RXRG: variants seen among roughly 807,000 people sequenced by gnomAD.
The protein encoded by RXRG is retinoic acid receptor RXR-gamma.
Under a neutral mutation model 49.2 loss-of-function variants are expected in RXRG, and 19 were observed. That is an observed-to-expected ratio of 0.39 (90% CI 0.27 to 0.57). The LOEUF (loss-of-function observed/expected upper bound fraction) is 0.57, where lower values mean the gene tolerates loss of function less well. Among genes scored for constraint, RXRG ranks in the 20% least tolerant of loss-of-function variants. The pLI is 0.64. For synonymous variants in RXRG, 224 were observed against 216.6 expected (o/e 1.03, Z -0.30); for missense variants, 452 against 592.5 (o/e 0.76, Z 2.46).
intron 4 of RXRG, among the ~76,000 whole-genome samples, chr1:165,416,246 C>T (rs527613758): frequency 5.3e-4 from 81 of 152,252 alleles, no homozygotes; most frequent in African/African-American, 1.9e-3. Flanking sequence ...CCACTATCCC[C>T]ATGTCCCTGC....
chr1:165,433,045 G>T (rs1658718651), intron 1 of RXRG, among the ~76,000 whole-genome samples: 1 of 152,160 alleles, frequency 6.6e-6, no homozygotes, highest in African/African-American at 2.4e-5. Flanking sequence ...GAGGACTTCA[G>T]TGAACTACTT....
intron 1 of RXRG, among the ~76,000 whole-genome samples, chr1:165,438,956 T>C (rs960503641): frequency 1.3e-5 from 2 of 152,202 alleles, no homozygotes; most frequent in African/African-American, 4.8e-5. Context: ...AAGGAGCACA[T>C]TGGCATATTA....
rs1659122374 is a variant in RXRG at position 165,445,115 on chromosome 1, G to A, written c.-222C>T. ...TAGTGCGTTTGAGACGGCTGTGGCG[G>A]CAGCAGCTGGTGCCTGTCAGTAATC... is the stretch of plus-strand genomic sequence containing the variant. On this transcript the variant is annotated 5_prime_UTR_variant, in exon 1 of 10. Coordinates refer to ENST00000359842, the MANE Select transcript of RXRG (RefSeq NM_006917.5). 1.8e-6 allele frequency: 1 copy of A among 569,828 alleles called. No homozygotes were observed. Among genetic ancestry groups the A allele is most frequent in the Non-Finnish European group, 3.1e-6 (1 of 319,552 alleles). The allele number at this position is 569,828 out of a possible 1,614,324, so 35.3% of individuals were successfully genotyped here. A position where few individuals can be genotyped will look rare whatever the true frequency, so the allele number is the denominator to read the frequency against.
chr1:165,428,649 T>C lies in RXRG; in HGVS notation c.297+70A>G, dbSNP rs117921572. 14 of 1,519,002 alleles carry C rather than the reference T, an allele frequency of 9.2e-6. No individual in the cohort carries two copies. The East Asian group carries it at 3.2e-4, about 35-fold the overall frequency. 94.1% of individuals were successfully genotyped at this position (1,519,002 alleles called of 1,614,324 possible). A position where few individuals can be genotyped will look rare whatever the true frequency, so the allele number is the denominator to read the frequency against. On this transcript the variant is annotated intron_variant, in intron 2 of 9. Coordinates refer to ENST00000359842, the MANE Select transcript of RXRG (RefSeq NM_006917.5). ...TTATGGACCTGCTGAGTGCTGGTTC[T>C]GCTCCAGGAGCAGCCTGGGTGAAAC...
chr1:165,430,286 C>A (rs180900757), intron 1 of RXRG, among the ~76,000 whole-genome samples: 31 of 152,316 alleles, frequency 2.0e-4, no homozygotes, highest in African/African-American at 7.0e-4. Flanking sequence ...ACAAATATTT[C>A]TTGAGTGCCT....
rs536188999 is a variant in RXRG at position 165,444,982 on chromosome 1, A to G, written c.-89T>C. ...CCCAGGCACAGCCCGGCTTTCTTCA[A>G]CTTGGGCTAACAAGAGTGGTCATCG... On this transcript the variant is annotated 5_prime_UTR_variant, in exon 1 of 10. Coordinates refer to ENST00000359842, the MANE Select transcript of RXRG (RefSeq NM_006917.5). 11 of 1,270,094 alleles carry G rather than the reference A, an allele frequency of 8.7e-6. No individual in the cohort carries two copies. Among genetic ancestry groups the G allele is most frequent in the South Asian group, 6.1e-5 (5 of 82,598 alleles). The allele number at this position is 1,270,094 out of a possible 1,614,324, so 78.7% of individuals were successfully genotyped here.
intron 2 of RXRG, chr1:165,425,118 A>T (rs890273010): frequency 5.8e-6 from 1 of 173,738 alleles, no homozygotes; most frequent in African/African-American, 2.4e-5. Context: ...CTGTACAGAC[A>T]TATGGTCCAG....
intron 1 of RXRG, among the ~76,000 whole-genome samples, chr1:165,435,409 T>C (rs985382325): frequency 2.3e-4 from 35 of 152,030 alleles, no homozygotes; most frequent in African/African-American, 8.2e-4. Flanking sequence ...CACAGGGAGA[T>C]TGAGCAAACT....
At chr1:165,403,909 A>G (rs283700) in intron 9 of RXRG, among the ~76,000 whole-genome samples, 132,115 of 152,284 alleles carry the variant, frequency 0.87, 57,408 homozygotes, top group African/African-American at 0.91. Context: ...AGCATTCCTC[A>G]CCCACAGGTT....
intron 1 of RXRG, among the ~76,000 whole-genome samples, chr1:165,439,397 T>C: frequency 6.6e-6 from 1 of 151,918 alleles, no homozygotes; most frequent in East Asian, 1.9e-4. Context: ...GCTCCCACCC[T>C]GAGCAGCTCA....
chr1:165,445,022 G>C lies in RXRG; in HGVS notation c.-129C>G. 1.3e-6 allele frequency: 1 copy of C among 793,036 alleles called. No individual in the cohort carries two copies. Among genetic ancestry groups the C allele is most frequent in the Non-Finnish European group, 2.2e-6 (1 of 456,940 alleles). The allele number at this position is 793,036 out of a possible 1,614,324, so 49.1% of individuals were successfully genotyped here. A position where few individuals can be genotyped will look rare whatever the true frequency, so the allele number is the denominator to read the frequency against. ...AGTGGTCATCGCTTCCTAGCAGCCC[G>C]GGGAGCACAGGCTGGGCCAGCCCTC... On this transcript the variant is annotated 5_prime_UTR_variant, in exon 1 of 10. Coordinates refer to ENST00000359842, the MANE Select transcript of RXRG (RefSeq NM_006917.5).
At chr1:165,402,605 C>T (rs1004980123) in intron 9 of RXRG, among the ~76,000 whole-genome samples, 1 of 152,068 alleles carries the variant, frequency 6.6e-6, no homozygotes, top group Non-Finnish European at 1.5e-5. Context: ...CACACACGCA[C>T]ACTCACACTC....
intron 7 of RXRG, 45 bp from the exon 8 acceptor site, chr1:165,408,363 A>G (rs776423850): frequency 2.1e-6 from 3 of 1,401,598 alleles, no homozygotes; most frequent in Non-Finnish European, 3.0e-6. Context: ...CGTAAGTAAC[A>G]GGCCAAGAGC....
chr1:165,441,347 C>CT (rs1658998032), intron 1 of RXRG, among the ~76,000 whole-genome samples: 2 of 152,216 alleles, frequency 1.3e-5, no homozygotes, highest in African/African-American at 4.8e-5. Context: ...CGGGAGCTCC[C>CT]TGGGGGTGTG....
chr1:165,439,513 C>T (rs904969178), intron 1 of RXRG, among the ~76,000 whole-genome samples: 2 of 152,224 alleles, frequency 1.3e-5, no homozygotes, highest in Non-Finnish European at 2.9e-5. Context: ...CATGCAGCAG[C>T]GTCAACCCAT....
intron 3 of RXRG, among the ~76,000 whole-genome samples, chr1:165,418,578 C>T (rs533361320): frequency 6.6e-6 from 1 of 152,226 alleles, no homozygotes; most frequent in East Asian, 1.9e-4. Flanking sequence ...CCAGCCTTTG[C>T]CTCATTGGTT....
At chr1:165,421,182 G>A (rs921043427) in intron 2 of RXRG, among the ~76,000 whole-genome samples, 2 of 152,166 alleles carry the variant, frequency 1.3e-5, no homozygotes, top group Non-Finnish European at 2.9e-5. Flanking sequence ...ATTGAGCGCA[G>A]GAGGCAAACA....
intron 3 of RXRG, among the ~76,000 whole-genome samples, chr1:165,418,429 G>A (rs937747290): frequency 6.6e-6 from 1 of 152,184 alleles, no homozygotes; most frequent in Non-Finnish European, 1.5e-5. Context: ...AATGTAATAT[G>A]TGATGTCATT....
At chr1:165,425,825 A>G (rs1658468261) in intron 2 of RXRG, among the ~76,000 whole-genome samples, 2 of 152,248 alleles carry the variant, frequency 1.3e-5, no homozygotes, top group South Asian at 2.1e-4. Context: ...ACTGAAGTGC[A>G]ATGGATCTGC....
Sources: allele counts gnomAD v4.1 joint callset (sites outside exome capture counted in the v4.1 genomes callset), GRCh38; gene constraint gnomAD v4.1.1; transcripts MANE v1.5; gene names NCBI Gene and HGNC (gene_info 2026-07-23, HGNC 2026-07-21).